Variants in HCN1 observed in about 807,000 individuals in gnomAD.
The protein encoded by HCN1 is potassium/sodium hyperpolarization-activated cyclic nucleotide-gated channel 1.
In HCN1, 13 loss-of-function variants were observed where a neutral mutation model predicts 78.9. That is an observed-to-expected ratio of 0.16 (90% CI 0.11 to 0.26). The LOEUF is 0.26. HCN1 is among the 10% of genes least tolerant of loss of function. The probability of loss-of-function intolerance (pLI) is 1.00; values close to 1 mark genes in which losing one functional copy is unlikely to be tolerated. For missense variants in HCN1, 810 were observed against 1,154.3 expected, an observed-to-expected ratio of 0.70 and a Z score of 4.32; for synonymous variants, 552 against 455.5, an observed-to-expected ratio of 1.21 and a Z score of -2.70.
intron 4 of HCN1, among the ~76,000 whole-genome samples, chr5:45,372,081 AT>A (rs1747392962): frequency 1.8e-5 from 1 of 56,784 alleles, no homozygotes; most frequent in Non-Finnish European, 2.7e-5. Context: ...ATTATATATA[AT>A]ATAATTATAT....
rs995341629 is a variant in HCN1 at position 45,352,394 on chromosome 5, G to A, written c.1377+706C>T. On this transcript the variant is annotated intron_variant, in intron 5 of 7. Coordinates refer to ENST00000303230, the MANE Select transcript of HCN1 (RefSeq NM_021072.4). ...GTGTTGTGCAGTGGGGGGAGGGGGA[G>A]GGATAGCATTAGGAGATATACCTAA... 4.0e-5 allele frequency among the ~76,000 whole-genome samples: 6 copies of A among 151,724 alleles called. No homozygotes were observed. In the South Asian group the frequency reaches 6.2e-4, roughly 16 times the overall value.
chr5:45,394,668 T>C (rs1318718786), intron 4 of HCN1, among the ~76,000 whole-genome samples: 1 of 152,028 alleles, frequency 6.6e-6, no homozygotes, highest in East Asian at 1.9e-4. Context: ...ATACAAAAAT[T>C]AGTCAGGCGT....
At chr5:45,635,588 T>C (rs1335872007) in intron 2 of HCN1, among the ~76,000 whole-genome samples, 1 of 152,134 alleles carries the variant, frequency 6.6e-6, no homozygotes, top group Admixed American at 6.6e-5. Flanking sequence ...AGAATTTAGC[T>C]GTCTTAAAAA....
intron 2 of HCN1, among the ~76,000 whole-genome samples, chr5:45,498,006 G>A (rs1210073749): frequency 6.6e-6 from 1 of 152,090 alleles, no homozygotes; most frequent in Non-Finnish European, 1.5e-5. Flanking sequence ...TTTCTCTCTG[G>A]CTGCCCTTAA....
At chr5:45,505,782 A>C (rs1742285158) in intron 2 of HCN1, among the ~76,000 whole-genome samples, 1 of 152,192 alleles carries the variant, frequency 6.6e-6, no homozygotes, top group Non-Finnish European at 1.5e-5. Context: ...ATATGTAAAT[A>C]TATAAATACA....
At chr5:45,401,541 T>C (rs1213657676) in intron 3 of HCN1, among the ~76,000 whole-genome samples, 1 of 152,108 alleles carries the variant, frequency 6.6e-6, no homozygotes, top group African/African-American at 2.4e-5. Context: ...CTGCTGGATT[T>C]CTCATAATGA....
intron 3 of HCN1, among the ~76,000 whole-genome samples, chr5:45,460,832 C>A (rs1741139076): frequency 6.7e-6 from 1 of 149,908 alleles, no homozygotes; most frequent in Non-Finnish European, 1.5e-5. Context: ...ATGCTACAAT[C>A]ATTAGGAGAA....
chr5:45,623,226 G>A (rs994632326), intron 2 of HCN1, among the ~76,000 whole-genome samples: 8 of 152,102 alleles, frequency 5.3e-5, no homozygotes, highest in African/African-American at 1.9e-4. Context: ...GAGGAGAACT[G>A]TGTCTTTCTC....
Position 45,267,290 on chromosome 5 carries a change from G to GAT in HCN1, c.1619-39_1619-38dup, listed in dbSNP as rs1744877282. Reference sequence around the variant, plus strand: ...AACAACAAAGAAGAATGACTTGTTTGATCATTTTCTTTTAAAAGCCATTAA... The same window carrying GAT: ...AACAACAAAGAAGAATGACTTGTTTGATATCATTTTCTTTTAAAAGCCATTAA... On this transcript the variant is annotated intron_variant, in intron 6 of 7. Transcript: ENST00000303230. 2.5e-6 allele frequency: 4 copies of GAT among 1,603,432 alleles called. 1 individual carries two copies. The South Asian group carries it at 4.4e-5, about 18-fold the overall frequency.
Position 45,449,992 on chromosome 5 carries a change from C to G in HCN1, c.1011+11854G>C, listed in dbSNP as rs906876979. Among the ~76,000 whole-genome samples, 129 of 152,228 alleles carry G rather than the reference C, an allele frequency of 8.5e-4. 1 individual carries two copies. The highest frequency in any genetic ancestry group is 1.3e-4 in the Non-Finnish European group (9 of 68,008). Reference sequence around the variant, plus strand: ...GGACTGCAGGTGCCTGCCACCACGTCCGGCTAATTTTTGTATTTTTAGAAG... The same window carrying G: ...GGACTGCAGGTGCCTGCCACCACGTGCGGCTAATTTTTGTATTTTTAGAAG... On this transcript the variant is annotated intron_variant, in intron 3 of 7. Coordinates refer to ENST00000303230, the MANE Select transcript of HCN1 (RefSeq NM_021072.4).
At chr5:45,374,038 AATAT>A (rs1747517942) in intron 4 of HCN1, among the ~76,000 whole-genome samples, 1 of 89,374 alleles carries the variant, frequency 1.1e-5, no homozygotes, top group African/African-American at 4.6e-5. Flanking sequence ...TTATATACAT[AATAT>A]ATATTATATA....
At chr5:45,317,205 G>C (rs148415520) in intron 5 of HCN1, among the ~76,000 whole-genome samples, 2 of 151,914 alleles carry the variant, frequency 1.3e-5, no homozygotes, top group African/African-American at 2.4e-5. Flanking sequence ...CATGATACTG[G>C]CACCAAAACA....
chr5:45,392,549 T>C (rs1052559690), intron 4 of HCN1, among the ~76,000 whole-genome samples: 2 of 152,062 alleles, frequency 1.3e-5, no homozygotes, highest in African/African-American at 4.8e-5. Flanking sequence ...ATAGTTATCA[T>C]ATATAGGCCA....
chr5:45,463,031 T>A (rs1741196518), intron 2 of HCN1, among the ~76,000 whole-genome samples: 1 of 151,990 alleles, frequency 6.6e-6, no homozygotes, highest in South Asian at 2.1e-4. Flanking sequence ...TAAATTTGAG[T>A]AAGTACTTAT....
At chr5:45,601,222 T>C (rs1238895054) in intron 2 of HCN1, among the ~76,000 whole-genome samples, 1 of 152,062 alleles carries the variant, frequency 6.6e-6, no homozygotes, top group African/African-American at 2.4e-5. Flanking sequence ...TCTTAATGAG[T>C]AGGTGTTTCT....
chr5:45,267,597 G>A (rs764589555), intron 6 of HCN1, among the ~76,000 whole-genome samples: 18 of 151,830 alleles, frequency 1.2e-4, no homozygotes, highest in South Asian at 2.1e-4. Flanking sequence ...GTGAAACCCC[G>A]TCTCTACTAA....
chr5:45,265,624 A>G (rs1049146734), intron 7 of HCN1, among the ~76,000 whole-genome samples: 11 of 152,346 alleles, frequency 7.2e-5, no homozygotes, highest in African/African-American at 2.6e-4. Context: ...AAGTGCAGAA[A>G]AAAAGCCAAC....
At chr5:45,341,701 G>T (rs1746585906) in intron 5 of HCN1, among the ~76,000 whole-genome samples, 1 of 152,140 alleles carries the variant, frequency 6.6e-6, no homozygotes, top group African/African-American at 2.4e-5. Flanking sequence ...AGGCTGCAGT[G>T]AGCTATAGTT....
At chr5:45,480,408 C>T (rs963638910) in intron 2 of HCN1, among the ~76,000 whole-genome samples, 5 of 152,048 alleles carry the variant, frequency 3.3e-5, no homozygotes, top group African/African-American at 1.2e-4. Context: ...TTTTAAATAA[C>T]AATTGCAATA....
Sources: gnomAD v4.1 joint callset for allele counts (sites outside exome capture counted in the v4.1 genomes callset) on GRCh38, gnomAD v4.1.1 for gene constraint, MANE v1.5 for transcripts, NCBI Gene and HGNC (gene_info 2026-07-23, HGNC 2026-07-21) for gene names.